The following NELL2 variants were observed in gnomAD, a reference collection of about 807,000 sequenced individuals.
NELL2 encodes protein kinase C-binding protein NELL2.
In NELL2, 41 loss-of-function variants were observed where a neutral mutation model predicts 109.6. The observed-to-expected ratio is 0.37, with a 90% CI of 0.29 to 0.49. NELL2 has a LOEUF of 0.49. Ranked by LOEUF, NELL2 falls within the 20% of genes least tolerant of loss-of-function variation. NELL2 has a pLI of 0.98. For synonymous variants in NELL2, 355 were observed against 344.7 expected, an observed-to-expected ratio of 1.03 and a Z score of -0.33; for missense variants, 900 against 1,008.3, an observed-to-expected ratio of 0.89 and a Z score of 1.45.
chr12:44,724,914 A>G (rs1156756385), intron 9 of NELL2, among the ~76,000 whole-genome samples: 1 of 152,114 alleles, frequency 6.6e-6, no homozygotes, highest in Non-Finnish European at 1.5e-5. Flanking sequence ...TGGTATAAAA[A>G]CAGGACATAG....
intron 13 of NELL2, among the ~76,000 whole-genome samples, chr12:44,624,842 T>C (rs1946182140): frequency 6.6e-6 from 1 of 151,526 alleles, no homozygotes; most frequent in Non-Finnish European, 1.5e-5. Context: ...TCCAAAATAA[T>C]AAACTAAATG....
intron 2 of NELL2, among the ~76,000 whole-genome samples, chr12:44,873,046 C>A (rs1397408066): frequency 6.6e-6 from 1 of 152,170 alleles, no homozygotes; most frequent in East Asian, 1.9e-4. Context: ...TTGTCAATTT[C>A]ATAATCCGAA....
intron 15 of NELL2, among the ~76,000 whole-genome samples, chr12:44,596,017 G>A (rs1944950732): frequency 6.6e-6 from 1 of 152,104 alleles, no homozygotes; most frequent in African/African-American, 2.4e-5. Context: ...TTCTTCTGGG[G>A]TTACCATACC....
intron 12 of NELL2, among the ~76,000 whole-genome samples, chr12:44,699,160 T>C (rs75545273): frequency 0.059 from 8,978 of 152,256 alleles, 390 homozygotes; most frequent in Non-Finnish European, 0.091. Flanking sequence ...ATATCTTATA[T>C]GTAGTGACAA....
chr12:44,714,809 C>G, intron 9 of NELL2, 68 bp from the exon 10 acceptor site: 4 of 958,540 alleles, frequency 4.2e-6, no homozygotes, highest in Middle Eastern at 2.4e-4. Flanking sequence ...ATCAGATCAT[C>G]TTGTAACAGC....
intron 3 of NELL2, among the ~76,000 whole-genome samples, chr12:44,794,604 C>A (rs116830242): frequency 6.6e-6 from 1 of 152,146 alleles, no homozygotes; most frequent in Non-Finnish European, 1.5e-5. Context: ...TCTGGCATCA[C>A]AGCCTCCCAT....
intron 9 of NELL2, among the ~76,000 whole-genome samples, chr12:44,745,622 T>G (rs1287905507): frequency 6.6e-6 from 1 of 152,098 alleles, no homozygotes; most frequent in Non-Finnish European, 1.5e-5. Flanking sequence ...ACAAAATCAA[T>G]GTACAAAAAT....
At chr12:44,904,272 A>G (rs1945695314) in intron 1 of NELL2, among the ~76,000 whole-genome samples, 1 of 152,176 alleles carries the variant, frequency 6.6e-6, no homozygotes, top group East Asian at 1.9e-4. Flanking sequence ...CAGACATTGT[A>G]ATAGATATAA....
intron 12 of NELL2, among the ~76,000 whole-genome samples, chr12:44,680,318 T>C (rs1055523107): frequency 2.0e-5 from 3 of 152,156 alleles, no homozygotes; most frequent in African/African-American, 7.2e-5. Context: ...GATTAGGAAG[T>C]AGGACCTTAT....
intron 15 of NELL2, among the ~76,000 whole-genome samples, chr12:44,547,145 C>A (rs2136158675): frequency 6.6e-6 from 1 of 152,312 alleles, no homozygotes; most frequent in East Asian, 1.9e-4. Context: ...CCTGCTACTT[C>A]TTAGAGGCAG....
rs576537182 is a variant in NELL2, at chr12:44,522,413, AT to A, written c.1999-238del. ...ACTACTCCTCAAATGACCAGAAAATATTTTTTTTCAGAAATGACCAGCATAA... is the reference window on the plus strand; with the variant it reads ...ACTACTCCTCAAATGACCAGAAAATATTTTTTTCAGAAATGACCAGCATAA... On this transcript the variant is annotated intron_variant, in intron 17 of 19. Coordinates refer to ENST00000429094, the MANE Select transcript of NELL2 (RefSeq NM_001145108.2). Among the ~76,000 whole-genome samples the A allele has an allele frequency of 1.2e-3, 187 of 151,948 alleles. 1 individual carries two copies. Among genetic ancestry groups the A allele is most frequent in the African/African-American group, 4.1e-3 (170 of 41,442 alleles).
intron 9 of NELL2, among the ~76,000 whole-genome samples, chr12:44,756,902 A>T (rs1462971170): frequency 6.6e-6 from 1 of 152,018 alleles, no homozygotes; most frequent in East Asian, 1.9e-4. Context: ...CACCAATGAC[A>T]CCCATATTTA....
intron 13 of NELL2, among the ~76,000 whole-genome samples, chr12:44,622,553 CAAAACAAAATGAAATATA>C (rs1946097567): frequency 6.6e-6 from 1 of 152,016 alleles, no homozygotes; most frequent in African/African-American, 2.4e-5. Flanking sequence ...AAAAGTACCT[CAAAACAAAATGAAATATA>C]AAAGGTAACT....
At chr12:44,863,048 C>T (rs577954793) in intron 2 of NELL2, among the ~76,000 whole-genome samples, 2 of 152,270 alleles carry the variant, frequency 1.3e-5, no homozygotes, top group African/African-American at 4.8e-5. Context: ...CACCCATCAA[C>T]CTGTCATCTA....
intron 9 of NELL2, among the ~76,000 whole-genome samples, chr12:44,724,725 T>C (rs1938973906): frequency 6.9e-6 from 1 of 145,930 alleles, no homozygotes; most frequent in South Asian, 2.1e-4. Context: ...AAACTACCAA[T>C]GACATTCTTC....
intron 2 of NELL2, among the ~76,000 whole-genome samples, chr12:44,857,344 T>A (rs1426144885): frequency 6.6e-6 from 1 of 152,178 alleles, no homozygotes; most frequent in African/African-American, 2.4e-5. Context: ...GCACAAGGAC[T>A]TTAGATTGTA....
intron 1 of NELL2, among the ~76,000 whole-genome samples, chr12:44,897,583 C>T (rs1477799522): frequency 6.6e-6 from 1 of 152,150 alleles, no homozygotes; most frequent in Non-Finnish European, 1.5e-5. Flanking sequence ...CAGTGCTGTC[C>T]AGCCCAGATA....
chr12:44,599,990 C>T (rs1945143327), intron 15 of NELL2, among the ~76,000 whole-genome samples: 2 of 126,752 alleles, frequency 1.6e-5, no homozygotes, highest in Admixed American at 9.8e-5. Flanking sequence ...GAGATGGAGT[C>T]TCGCTCTGCC....
chr12:44,669,908 C>A (rs1431294107), intron 12 of NELL2, among the ~76,000 whole-genome samples: 2 of 152,028 alleles, frequency 1.3e-5, no homozygotes, highest in East Asian at 1.9e-4. Flanking sequence ...TCAAAGATTC[C>A]CAGATAGCTG....
Sources: allele counts gnomAD v4.1 joint callset (sites outside exome capture counted in the v4.1 genomes callset), GRCh38; gene constraint gnomAD v4.1.1; transcripts MANE v1.5; gene names NCBI Gene and HGNC (gene_info 2026-07-23, HGNC 2026-07-21).